The following RSPH3 variants were observed in gnomAD, a reference collection of about 807,000 sequenced individuals.
RSPH3 encodes radial spoke head protein 3 homolog.
In RSPH3, 21 loss-of-function variants were observed where a neutral mutation model predicts 43.8. The observed-to-expected ratio is 0.48, with a 90% confidence interval of 0.34 to 0.69. RSPH3 has a LOEUF of 0.69. Ranked by LOEUF, RSPH3 falls within the 30% of genes least tolerant of loss-of-function variation. The probability of loss-of-function intolerance (pLI) is 0.01; values close to 1 mark genes in which losing one functional copy is unlikely to be tolerated. For synonymous variants in RSPH3, 173 were observed against 179.8 expected, an observed-to-expected ratio of 0.96 and a Z score of 0.30; for missense variants, 487 against 516.0, an observed-to-expected ratio of 0.94 and a Z score of 0.54.
chr6:158,985,638 ACT>A (rs543219475), intron 3 of RSPH3, among the ~76,000 whole-genome samples: 265 of 150,948 alleles, frequency 1.8e-3, no homozygotes, highest in Middle Eastern at 6.8e-3. Context: ...TTGGTCTCGA[ACT>A]CCTGGGCTCA....
chr6:158,999,304 CTT>C (rs1206069988), intron 1 of RSPH3, 129 bp downstream of exon 1: 1 of 827,062 alleles, frequency 1.2e-6, no homozygotes, highest in Non-Finnish European at 1.8e-6. Context: ...TAGGGCAGAA[CTT>C]TTATTTCGGC....
At position 158,977,496 on chromosome 6, in the gene RSPH3, G is replaced by T; in HGVS notation, c.*42C>A. The stretch of plus-strand genomic sequence containing the variant: ...GCACATCATTACCTGATTGCTTGCT[G>T]ACTTGGCTGTTGATTGGTTTCATGA... On this transcript the variant is annotated 3_prime_UTR_variant, in exon 8 of 8. Transcript: ENST00000367069. 1.3e-6 allele frequency: 2 copies of T among 1,532,210 alleles called. No individual in the cohort carries two copies. The highest frequency in any genetic ancestry group is 2.5e-5 in the South Asian group (2 of 80,190). The allele number at this position is 1,532,210 out of a possible 1,614,324, so 94.9% of individuals were successfully genotyped here. A position where few individuals can be genotyped will look rare whatever the true frequency, so the allele number is the denominator to read the frequency against.
intron 2 of RSPH3, among the ~76,000 whole-genome samples, chr6:158,992,636 G>A (rs1005690881): frequency 6.6e-6 from 1 of 151,996 alleles, no homozygotes; most frequent in Non-Finnish European, 1.5e-5. Context: ...TATGGTGTTC[G>A]GCAGGTTTGG....
At chr6:158,981,063 AG>A (rs760965146) in intron 5 of RSPH3, 127 bp from the exon 6 acceptor site, 8 of 827,224 alleles carry the variant, frequency 9.7e-6, no homozygotes, top group Non-Finnish European at 1.3e-5. Flanking sequence ...TATCTATTAA[AG>A]GTTCATATTT....
intron 1 of RSPH3, among the ~76,000 whole-genome samples, chr6:158,995,306 GT>G (rs1325923680): frequency 6.6e-6 from 1 of 152,148 alleles, no homozygotes. Flanking sequence ...CTTCTTCAGT[GT>G]TTCCTATTTC....
chr6:158,980,905 A>G lies in RSPH3; in HGVS notation c.728T>C (p.Met243Thr), dbSNP rs1294747425. The G allele has an allele frequency of 3.1e-6, 5 of 1,613,986 alleles. No homozygotes were observed. The African/African-American group carries it at 4.0e-5, about 13-fold the overall frequency. The stretch of plus-strand genomic sequence containing the variant: ...TTGTGATGTCTCGTTGTGCTTGTGC[A>G]TTATTTCCCACTGCTGTTTCTTACG... ...ERRKKQQWEIMHKHNETSQKI... is the reference protein window; with the variant it reads ...ERRKKQQWEITHKHNETSQKI... The change falls in exon 6 of 8, where the codon ATG becomes ACG. Residue 243 changes from methionine to threonine, a missense_variant. Transcript: ENST00000367069.
the RSPH3 span, among the ~76,000 whole-genome samples, chr6:158,964,680 G>A: frequency 6.6e-6 from 1 of 151,946 alleles, no homozygotes. Flanking sequence ...TCATTTTATT[G>A]TCGAGTTGTA....
rs568721167 is a variant in RSPH3 at position 158,983,470 on chromosome 6, G to A, written c.492+192C>T. 5.1e-4 allele frequency among the ~76,000 whole-genome samples: 78 copies of A among 152,212 alleles called. 2 individuals carry two copies. In the Middle Eastern group the frequency reaches 0.027, roughly 53 times the overall value. On this transcript the variant is annotated intron_variant, in intron 4 of 7. Coordinates refer to ENST00000367069, the MANE Select transcript of RSPH3 (RefSeq NM_031924.8). ...AATGATTTTGTTTTTAATCAGCAAA[G>A]AAATCGGAACATGGTATGTTAAAAC... is the stretch of plus-strand genomic sequence containing the variant.
chr6:158,983,380 A>G (rs1329564133), intron 4 of RSPH3, among the ~76,000 whole-genome samples: 1 of 152,232 alleles, frequency 6.6e-6, no homozygotes, highest in Admixed American at 6.5e-5. Flanking sequence ...TCTTATACAT[A>G]TATACATTAA....
intron 1 of RSPH3, among the ~76,000 whole-genome samples, chr6:158,998,865 C>T (rs549189591): frequency 4.8e-4 from 73 of 151,822 alleles, no homozygotes; most frequent in Non-Finnish European, 7.6e-4. Context: ...AGCGAAACTC[C>T]GTCTCAAAAC....
chr6:158,996,133 A>C (rs1778586533), intron 1 of RSPH3, among the ~76,000 whole-genome samples: 1 of 152,228 alleles, frequency 6.6e-6, no homozygotes, highest in Non-Finnish European at 1.5e-5. Context: ...CTGAGTAAAA[A>C]TAAAAATAAA....
chr6:158,998,222 C>T (rs1189954603), intron 1 of RSPH3, among the ~76,000 whole-genome samples: 2 of 139,998 alleles, frequency 1.4e-5, no homozygotes, highest in South Asian at 2.3e-4. Context: ...GAGGCCGAGG[C>T]GGGCGGATCA....
rs1359427276 is a variant in RSPH3 at position 158,974,411 on chromosome 6, T to G, written c.*3127A>C. On this transcript the variant is annotated 3_prime_UTR_variant, in exon 8 of 8. Coordinates refer to ENST00000367069, the MANE Select transcript of RSPH3 (RefSeq NM_031924.8). The stretch of plus-strand genomic sequence containing the variant: ...CCATTTTCTTCTATGCTGGAAGAGT[T>G]TTATGTTCCCAAACCATTTGCAAAA... 1 of 152,200 alleles carries G rather than the reference T, an allele frequency of 6.6e-6. No individual in the cohort carries two copies. The highest frequency in any genetic ancestry group is 1.5e-5 in the Non-Finnish European group (1 of 68,030). The allele number at this position is 152,200 out of a possible 1,614,324, so 9.4% of individuals were successfully genotyped here.
In RSPH3 at chr6:158,993,868, T is replaced by C. The variant is rs1178327632; in HGVS notation, c.175A>G (p.Asn59Asp). Residue 59 changes from asparagine (N) to aspartate (D), a missense_variant, in exon 2 of 8, where the codon AAC becomes GAC. Asn to Asp is a conservative substitution (Grantham distance 23, BLOSUM62 1). Coordinates refer to ENST00000367069, the MANE Select transcript of RSPH3 (RefSeq NM_031924.8). ...GGCCCTGTCTGGAGTGCATAAGTGT[T>C]ACCTCGAATTACCCTTCTGTCATAC... ...IMYDRRVIRG[N>D]TYALQTGPLL... 6.2e-7 allele frequency: 1 copy of C among 1,610,804 alleles called. No homozygotes were observed. The highest frequency in any genetic ancestry group is 1.7e-5 in the Admixed American group (1 of 59,990).
chr6:158,970,167 C>A (rs1777679709), downstream of RSPH3, among the ~76,000 whole-genome samples: 1 of 151,996 alleles, frequency 6.6e-6, no homozygotes, highest in African/African-American at 2.4e-5. Context: ...CCCGTCCAAC[C>A]TGGGTTTTCT....
At chr6:158,979,045 A>G in intron 6 of RSPH3, among the ~76,000 whole-genome samples, 1 of 152,198 alleles carries the variant, frequency 6.6e-6, no homozygotes, top group East Asian at 1.9e-4. Context: ...AAGGAAGCTG[A>G]TCAGACTCAG....
At position 158,983,955 on chromosome 6, in the gene RSPH3, G is replaced by A. The variant is rs2143650; in HGVS notation, c.347-148C>T. 0.12 allele frequency: 75,795 copies of A among 609,450 alleles called. 8,716 individuals are homozygous for A. The highest frequency in any genetic ancestry group is 0.46 in the East Asian group (16,311 of 35,172). 37.8% of individuals were successfully genotyped at this position (609,450 alleles called of 1,614,324 possible). A position where few individuals can be genotyped will look rare whatever the true frequency, so the allele number is the denominator to read the frequency against. On this transcript the variant is annotated intron_variant, in intron 3 of 7. Transcript: ENST00000367069. ...TTGAGACCAGCCTGGCCAACATGGC[G>A]AAACCCCATCTCTACAAGAAATACA...
In RSPH3 at chr6:158,989,057, T is replaced by C. The variant is rs117268741; in HGVS notation, c.205-2636A>G. 0.018 allele frequency among the ~76,000 whole-genome samples: 2,709 copies of C among 151,958 alleles called. 34 individuals are homozygous for C. The highest frequency in any genetic ancestry group is 0.024 in the Middle Eastern group (7 of 294). On this transcript the variant is annotated intron_variant, in intron 2 of 7. Coordinates refer to ENST00000367069, the MANE Select transcript of RSPH3 (RefSeq NM_031924.8). The surrounding 1 kb of genome is among the most constrained non-coding windows in gnomAD (Gnocchi z 4.3). ...TATATTTTCTTAGAGTTTTTTTTTA[T>C]CTTTTTTGAGACAGAGTCTCGCTCT... is the stretch of plus-strand genomic sequence containing the variant.
chr6:158,993,592 T>G (rs1382152645), intron 2 of RSPH3, among the ~76,000 whole-genome samples: 2 of 152,128 alleles, frequency 1.3e-5, no homozygotes, highest in Non-Finnish European at 2.9e-5. Flanking sequence ...TCTTTTCACC[T>G]TGCAAAACTG....
Sources: gnomAD v4.1 joint callset for allele counts (sites outside exome capture counted in the v4.1 genomes callset) on GRCh38, gnomAD v4.1.1 for gene constraint, Gnocchi (gnomAD v3.1) non-coding constraint, MANE v1.5 for transcripts, NCBI Gene and HGNC (gene_info 2026-07-23, HGNC 2026-07-21) for gene names.